EFCAB14: variants seen among roughly 807,000 people sequenced by gnomAD.
EFCAB14 encodes the protein EF-hand calcium-binding domain-containing protein 14.
Under a neutral mutation model 56.5 loss-of-function variants are expected in EFCAB14, and 43 were observed. The ratio of observed to expected loss-of-function variants is 0.76; its 90% CI spans 0.60 to 0.98. EFCAB14 has a LOEUF of 0.98. Among genes scored for constraint, EFCAB14 ranks in the 50% least tolerant of loss-of-function variants. EFCAB14 has a pLI of 0.00. For synonymous variants in EFCAB14, 235 were observed against 212.9 expected, an observed-to-expected ratio of 1.10 and a Z score of -0.90; for missense variants, 538 against 580.3, an observed-to-expected ratio of 0.93 and a Z score of 0.75.
rs1405454934 is a variant in EFCAB14, at chr1:46,718,740, G to GCCTCCGT, written c.-660_-654dup. 2.0e-5 allele frequency: 3 copies of GCCTCCGT among 152,360 alleles called. No individual in the cohort carries two copies. Among genetic ancestry groups the GCCTCCGT allele is most frequent in the Non-Finnish European group, 4.4e-5 (3 of 68,160 alleles). The allele number at this position is 152,360 out of a possible 1,614,324, so 9.4% of individuals were successfully genotyped here. A position where few individuals can be genotyped will look rare whatever the true frequency, so the allele number is the denominator to read the frequency against. On this transcript the variant is annotated 5_prime_UTR_variant, in exon 1 of 11. Coordinates refer to ENST00000371933, the MANE Select transcript of EFCAB14 (RefSeq NM_014774.3). ...GGTGTGTGATGATCACCGTTCTCCG[G>GCCTCCGT]CCTCCGTCCTGAACGTGAAGGGGGC...
chr1:46,701,231 T>C (rs1477974255), intron 3 of EFCAB14, among the ~76,000 whole-genome samples: 3 of 152,206 alleles, frequency 2.0e-5, no homozygotes, highest in Non-Finnish European at 2.9e-5. Flanking sequence ...CTTTCTTCCA[T>C]GCCCTCACGG....
chr1:46,716,360 C>T lies in EFCAB14; in HGVS notation c.269G>A (p.Gly90Asp), dbSNP rs1557452935. ...GAGAGCAACCTGCATCCACACCAAG[C>T]CAACACAGGCCACAACACAGGCAGC... ...ILAACVVACV[G>D]LVWMQVALKE... is the part of the protein sequence containing the mutation. The change falls in exon 2 of 11, where the codon GGC (glycine) becomes GAC (aspartate). Residue 90 changes from glycine to aspartate, a missense_variant. Physicochemically the swap from Gly to Asp is moderately conservative, Grantham distance 94 (BLOSUM62 -1). Transcript: ENST00000371933. The T allele has an allele frequency of 6.2e-7, 1 of 1,613,760 alleles. No individual in the cohort carries two copies. Among genetic ancestry groups the T allele is most frequent in the Non-Finnish European group, 8.5e-7 (1 of 1,179,962 alleles).
rs1275979238 is a variant in EFCAB14, at chr1:46,719,103, CCAG to C, written c.-1019_-1017del. 1 of 154,560 alleles carries C rather than the reference CCAG, an allele frequency of 6.5e-6. No individual in the cohort carries two copies. Among genetic ancestry groups the C allele is most frequent in the Non-Finnish European group, 1.4e-5 (1 of 69,510 alleles). 9.6% of individuals were successfully genotyped at this position (154,560 alleles called of 1,614,324 possible). On this transcript the variant is annotated 5_prime_UTR_variant, in exon 1 of 11. It adds an upstream start codon to the 5' untranslated region. Transcript: ENST00000371933. The surrounding 1 kb of genome is among the most constrained non-coding windows in gnomAD (Gnocchi z 4.0). ...CCAGCCCCGGGCCATCGCTCCAGCCCCAGATCACTTCCCCTTTGGCAGCGGCCG... is the reference window on the plus strand; with the variant it reads ...CCAGCCCCGGGCCATCGCTCCAGCCCATCACTTCCCCTTTGGCAGCGGCCG...
chr1:46,716,676 G>A (rs1379229506), intron 1 of EFCAB14, among the ~76,000 whole-genome samples: 2 of 152,178 alleles, frequency 1.3e-5, no homozygotes, highest in Non-Finnish European at 2.9e-5. Flanking sequence ...GTTCCTGCAG[G>A]TAAAAGGAAG....
chr1:46,692,585 C>T (rs1348879019), intron 4 of EFCAB14, among the ~76,000 whole-genome samples: 2 of 152,134 alleles, frequency 1.3e-5, no homozygotes, highest in African/African-American at 4.8e-5. Flanking sequence ...TTCCCACCAG[C>T]AGGGAATGAG....
chr1:46,715,908 G>C (rs1391307459), intron 2 of EFCAB14, among the ~76,000 whole-genome samples: 1 of 152,064 alleles, frequency 6.6e-6, no homozygotes, highest in African/African-American at 2.4e-5. Flanking sequence ...CAGCAGGGTT[G>C]ACTTTGTCCC....
At chr1:46,698,022 T>C (rs924641060) in intron 3 of EFCAB14, among the ~76,000 whole-genome samples, 4 of 152,064 alleles carry the variant, frequency 2.6e-5, no homozygotes, top group Non-Finnish European at 4.4e-5. Flanking sequence ...TGGCAAATTT[T>C]TGCATTTTTA....
rs1461564249 is a variant in EFCAB14 at position 46,675,429 on chromosome 1, T to C, written c.*3032A>G. On this transcript the variant is annotated 3_prime_UTR_variant, in exon 11 of 11. Transcript: ENST00000371933. ...ATACCCAAATGTGTTCTGGTTTGGA[T>C]ATGAAAGAGGGACCACTTCTAGCTG... 1 of 152,634 alleles carries C rather than the reference T, an allele frequency of 6.6e-6. No individual in the cohort carries two copies. The highest frequency in any genetic ancestry group is 1.5e-5 in the Non-Finnish European group (1 of 68,046). 9.5% of individuals were successfully genotyped at this position (152,634 alleles called of 1,614,324 possible).
intron 3 of EFCAB14, among the ~76,000 whole-genome samples, chr1:46,707,385 A>C (rs1488331114): frequency 6.6e-6 from 1 of 152,058 alleles, no homozygotes; most frequent in African/African-American, 2.4e-5. Context: ...TGCCTACTCA[A>C]CTCTGGTCAA....
chr1:46,691,173 G>A (rs148360008), intron 5 of EFCAB14, among the ~76,000 whole-genome samples: 63 of 152,304 alleles, frequency 4.1e-4, no homozygotes, highest in African/African-American at 1.4e-3. Context: ...CCTAGGCACT[G>A]CAGGGGTTTG....
chr1:46,699,882 T>A (rs1278686155), intron 3 of EFCAB14, among the ~76,000 whole-genome samples: 1 of 152,178 alleles, frequency 6.6e-6, no homozygotes, highest in African/African-American at 2.4e-5. Flanking sequence ...GTCCTATGCC[T>A]TCTTCTTTGC....
intron 3 of EFCAB14, among the ~76,000 whole-genome samples, chr1:46,704,900 C>T (rs1262473127): frequency 1.1e-4 from 16 of 150,058 alleles, no homozygotes; most frequent in Admixed American, 1.1e-3. Flanking sequence ...AAACTAATGG[C>T]TTTTTTTTCA....
Position 46,705,603 on chromosome 1 carries a change from T to C in EFCAB14, c.480+2303A>G, listed in dbSNP as rs369358396. ...CCCAGTCTGAGTGTGAGCGTGTGTA[T>C]GAGTAAGCCCTGCGATGGGGGTGGC... On this transcript the variant is annotated intron_variant, in intron 3 of 10. Coordinates refer to ENST00000371933, the MANE Select transcript of EFCAB14 (RefSeq NM_014774.3). 1.2e-3 allele frequency among the ~76,000 whole-genome samples: 190 copies of C among 152,246 alleles called. 1 individual carries two copies. The highest frequency in any genetic ancestry group is 0.01 in the Middle Eastern group (3 of 294).
intron 10 of EFCAB14, among the ~76,000 whole-genome samples, chr1:46,679,599 GTTTTTTTTTTTTTTTTTTT>G (rs60875639): frequency 5.5e-5 from 2 of 36,522 alleles, no homozygotes; most frequent in African/African-American, 1.1e-4. Flanking sequence ...CACCACGCCT[GTTTTTTTTTTTTTTTTTTT>G]TTTTTTTTTT....
At chr1:46,717,084 T>C (rs1337288856) in intron 1 of EFCAB14, among the ~76,000 whole-genome samples, 1 of 152,244 alleles carries the variant, frequency 6.6e-6, no homozygotes, top group Non-Finnish European at 1.5e-5. Context: ...ACACTTCAAC[T>C]GATCTTCATA....
Position 46,686,834 on chromosome 1 carries a change from A to C in EFCAB14, c.1024T>G (p.Leu342Val), listed in dbSNP as rs892591343. 1.2e-6 allele frequency: 2 copies of C among 1,613,844 alleles called. No homozygotes were observed. Among genetic ancestry groups the C allele is most frequent in the Non-Finnish European group, 1.7e-6 (2 of 1,179,842 alleles). The change falls in exon 8 of 11, where the codon TTG becomes GTG. Residue 342 changes from leucine (L) to valine (V), a missense_variant. Physicochemically the swap from Leu to Val is conservative, Grantham distance 32. Coordinates refer to ENST00000371933, the MANE Select transcript of EFCAB14 (RefSeq NM_014774.3). ...TCTGTTCTGTTGGTGACTTGATCCA[A>C]AGACTGTCTTTTCAGAGTGGCAGAT... ...DRSATLKRQS[L>V]DQVTNRTDTV... is the part of the protein sequence containing the mutation.
chr1:46,691,135 AG>A (rs1676984395), intron 5 of EFCAB14, among the ~76,000 whole-genome samples: 1 of 152,190 alleles, frequency 6.6e-6, no homozygotes, highest in Non-Finnish European at 1.5e-5. Context: ...AGCAGCACTA[AG>A]TGATCCAGAG....
intron 1 of EFCAB14, among the ~76,000 whole-genome samples, chr1:46,716,927 T>C (rs577733672): frequency 6.6e-5 from 10 of 152,376 alleles, no homozygotes; most frequent in African/African-American, 1.9e-4. Flanking sequence ...TCTGTAGTTT[T>C]AAGTGGACAC....
At chr1:46,683,220 A>C in intron 10 of EFCAB14, 80 bp downstream of exon 10, 2 of 1,488,444 alleles carry the variant, frequency 1.3e-6, no homozygotes, top group South Asian at 2.5e-5. Flanking sequence ...GATCATATAT[A>C]TTTTTGACAA....
Sources: gnomAD v4.1 joint callset for allele counts (sites outside exome capture counted in the v4.1 genomes callset) on GRCh38, gnomAD v4.1.1 for gene constraint, Gnocchi (gnomAD v3.1) non-coding constraint, MANE v1.5 for transcripts, NCBI Gene and HGNC (gene_info 2026-07-23, HGNC 2026-07-21) for gene names.